Variants in ZSWIM6 observed in about 807,000 individuals in gnomAD.
ZSWIM6 encodes zinc finger SWIM domain-containing protein 6.
A neutral mutation model predicts 113.2 loss-of-function variants in ZSWIM6; 9 were observed. That is an observed-to-expected ratio of 0.08 (90% CI 0.05 to 0.14). ZSWIM6 has a LOEUF of 0.14. Ranked by LOEUF, ZSWIM6 falls within the 10% of genes least tolerant of loss-of-function variation. The probability of loss-of-function intolerance (pLI) is 1.00; values close to 1 mark genes in which losing one functional copy is unlikely to be tolerated. For missense variants in ZSWIM6, 1,162 were observed against 1,552.2 expected, an observed-to-expected ratio of 0.75 and a Z score of 4.22; for synonymous variants, 611 against 606.5, an observed-to-expected ratio of 1.01 and a Z score of -0.11.
At chr5:61,414,017 G>T (rs890862084) in intron 1 of ZSWIM6, among the ~76,000 whole-genome samples, 1 of 152,112 alleles carries the variant, frequency 6.6e-6, no homozygotes, top group Non-Finnish European at 1.5e-5. Context: ...AGAGCAGTAT[G>T]AGGAGAGAGT....
At chr5:61,443,868 A>G (rs1746889352) in intron 1 of ZSWIM6, among the ~76,000 whole-genome samples, 1 of 152,152 alleles carries the variant, frequency 6.6e-6, no homozygotes, top group African/African-American at 2.4e-5. Context: ...TGCATGGTAC[A>G]TTATTAATGT....
At chr5:61,402,411 T>C (rs944385348) in intron 1 of ZSWIM6, among the ~76,000 whole-genome samples, 2 of 152,242 alleles carry the variant, frequency 1.3e-5, no homozygotes, top group African/African-American at 2.4e-5. Flanking sequence ...CTCATTATAG[T>C]TGGAATTCTA....
At chr5:61,386,195 A>G (rs908595540) in intron 1 of ZSWIM6, among the ~76,000 whole-genome samples, 2 of 152,214 alleles carry the variant, frequency 1.3e-5, no homozygotes, top group South Asian at 2.1e-4. Context: ...AGAGTACTAC[A>G]TCAGGGAAAC....
At chr5:61,482,278 C>T (rs1375619354) in intron 2 of ZSWIM6, among the ~76,000 whole-genome samples, 3 of 151,860 alleles carry the variant, frequency 2.0e-5, no homozygotes, top group African/African-American at 4.8e-5. Context: ...TGTTCTCACT[C>T]GTAAGTGGGA....
intron 1 of ZSWIM6, among the ~76,000 whole-genome samples, chr5:61,429,858 C>T (rs909561558): frequency 5.9e-5 from 9 of 152,184 alleles, no homozygotes; most frequent in African/African-American, 1.7e-4. Context: ...TTTGTGTGAA[C>T]GGTATCCCCA....
intron 1 of ZSWIM6, among the ~76,000 whole-genome samples, chr5:61,406,705 T>TATTTATTTA (rs1218889420): frequency 2.0e-5 from 3 of 150,912 alleles, no homozygotes; most frequent in African/African-American, 7.3e-5. Flanking sequence ...TTTATTTATT[T>TATTTATTTA]ATTTATTTAT....
chr5:61,358,230 T>A (rs558683300), intron 1 of ZSWIM6, among the ~76,000 whole-genome samples: 1 of 152,344 alleles, frequency 6.6e-6, no homozygotes, highest in East Asian at 1.9e-4. Flanking sequence ...ATGCAGCTTG[T>A]AGAATTTTAA....
At chr5:61,506,322 G>A (rs1034672671) in intron 4 of ZSWIM6, among the ~76,000 whole-genome samples, 11 of 152,104 alleles carry the variant, frequency 7.2e-5, no homozygotes, top group Non-Finnish European at 1.2e-4. Flanking sequence ...GGTGGCTCAC[G>A]CCTGTAATCC....
chr5:61,427,498 T>A (rs1746485940), intron 1 of ZSWIM6, among the ~76,000 whole-genome samples: 1 of 152,176 alleles, frequency 6.6e-6, no homozygotes, highest in South Asian at 2.1e-4. Flanking sequence ...TTTTCTTTTT[T>A]TATACAGTGT....
intron 9 of ZSWIM6, among the ~76,000 whole-genome samples, chr5:61,532,079 A>G (rs1749450428): frequency 6.6e-6 from 1 of 152,146 alleles, no homozygotes; most frequent in African/African-American, 2.4e-5. Flanking sequence ...GCATGTTCCT[A>G]TTTCCTTGAT....
chr5:61,339,412 C>CA (rs372969006), intron 1 of ZSWIM6, among the ~76,000 whole-genome samples: 95 of 148,704 alleles, frequency 6.4e-4, no homozygotes, highest in Non-Finnish European at 7.5e-4. Flanking sequence ...GAACCTGTCT[C>CA]AAAAAAAAAA....
At chr5:61,386,047 A>T (rs1288210382) in intron 1 of ZSWIM6, among the ~76,000 whole-genome samples, 1 of 152,224 alleles carries the variant, frequency 6.6e-6, no homozygotes, top group Non-Finnish European at 1.5e-5. Flanking sequence ...GATGGGAAAT[A>T]TTTGAGGCCT....
chr5:61,430,635 G>A (rs1175405450), intron 1 of ZSWIM6, among the ~76,000 whole-genome samples: 115 of 152,240 alleles, frequency 7.6e-4, no homozygotes, highest in African/African-American at 2.5e-3. Flanking sequence ...CTGACTGCAG[G>A]AACTTGAGTG....
At chr5:61,378,295 G>A (rs764025301) in intron 1 of ZSWIM6, among the ~76,000 whole-genome samples, 3 of 152,158 alleles carry the variant, frequency 2.0e-5, no homozygotes, top group Non-Finnish European at 4.4e-5. Context: ...AGATGGAGTA[G>A]CATGTAGTTA....
chr5:61,451,504 G>A (rs1321466466), intron 1 of ZSWIM6, among the ~76,000 whole-genome samples: 2 of 152,156 alleles, frequency 1.3e-5, no homozygotes, highest in East Asian at 3.9e-4. Context: ...TCCTGTAAGG[G>A]AGGCAAGAGT....
intron 5 of ZSWIM6, 118 bp downstream of exon 5, chr5:61,521,560 TC>T: frequency 1.3e-6 from 1 of 741,332 alleles, no homozygotes; most frequent in Non-Finnish European, 1.9e-6. Flanking sequence ...AACTTACAAC[TC>T]CAGTACTTAA....
chr5:61,332,288 C>A lies in ZSWIM6; in HGVS notation c.16C>A (p.Gln6Lys). Residue 6 changes from glutamine (Q) to lysine (K), a missense_variant, in exon 1 of 14, where the codon CAG (glutamine) becomes AAG (lysine). By Grantham distance (53) the Gln-to-Lys change is moderately conservative (BLOSUM62 1). This residue lies in a region of ZSWIM6 where 333 missense variants were observed against 293.4 expected (regional missense o/e 1.13). Transcript: ENST00000252744. ...CGGCGCGGTCATGGCGGAGCGCGGA[C>A]AGCAGCCTCCTCCCGCGAAACGGCT... MAERG[Q>K]QPPPAKRLCC... 8.6e-7 allele frequency: 1 copy of A among 1,165,390 alleles called. No individual in the cohort carries two copies. Among genetic ancestry groups the A allele is most frequent in the Non-Finnish European group, 1.1e-6 (1 of 943,976 alleles). The allele number at this position is 1,165,390 out of a possible 1,614,324, so 72.2% of individuals were successfully genotyped here.
chr5:61,358,122 A>G (rs1456072672), intron 1 of ZSWIM6, among the ~76,000 whole-genome samples: 3 of 151,932 alleles, frequency 2.0e-5, no homozygotes, highest in African/African-American at 7.3e-5. Context: ...TGCCCCCTTT[A>G]CTTTTCCAGT....
chr5:61,452,286 T>C (rs79601946), intron 1 of ZSWIM6, among the ~76,000 whole-genome samples: 4,651 of 152,266 alleles, frequency 0.031, 228 homozygotes, highest in African/African-American at 0.11. Flanking sequence ...CATAGCTATA[T>C]AGTATTCTAT....
Sources: gnomAD v4.1 joint callset for allele counts (sites outside exome capture counted in the v4.1 genomes callset) on GRCh38, gnomAD v4.1.1 for gene constraint, gnomAD v4.1.1 regional missense constraint, MANE v1.5 for transcripts, NCBI Gene and HGNC (gene_info 2026-07-23, HGNC 2026-07-21) for gene names.